The following CDH13 variants were observed in gnomAD, a reference collection of about 807,000 sequenced individuals.
CDH13 encodes cadherin 13.
CDH13 carries 24 observed loss-of-function variants against 63.8 expected under a neutral mutation model. That is an observed-to-expected ratio of 0.38 (90% CI 0.27 to 0.53). The LOEUF (loss-of-function observed/expected upper bound fraction) is 0.53, where lower values mean the gene tolerates loss of function less well. Ranked by LOEUF, CDH13 falls within the 20% of genes least tolerant of loss-of-function variation. CDH13 has a pLI of 0.85. For synonymous variants in CDH13, 503 were observed against 355.3 expected, an observed-to-expected ratio of 1.42 and a Z score of -4.67; for missense variants, 1,049 against 903.1, an observed-to-expected ratio of 1.16 and a Z score of -2.07.
At chr16:83,285,865 AACTCT>A (rs2089298389) in intron 5 of CDH13, among the ~76,000 whole-genome samples, 1 of 152,182 alleles carries the variant, frequency 6.6e-6, no homozygotes, top group Non-Finnish European at 1.5e-5. Context: ...AAAAAAAATA[AACTCT>A]ACTCATTGTG....
At chr16:83,674,715 A>G (rs1466671683) in intron 9 of CDH13, among the ~76,000 whole-genome samples, 1 of 152,212 alleles carries the variant, frequency 6.6e-6, no homozygotes, top group African/African-American at 2.4e-5. Flanking sequence ...ACTTAAAAGG[A>G]CCAAATCCCA....
chr16:82,837,194 C>A (rs1468238789), intron 1 of CDH13, among the ~76,000 whole-genome samples: 1 of 152,198 alleles, frequency 6.6e-6, no homozygotes, highest in Non-Finnish European at 1.5e-5. Flanking sequence ...GATTTTCCCT[C>A]AGGCTCAGCG....
chr16:83,214,579 CAAAAAAA>C (rs751124100), intron 4 of CDH13, among the ~76,000 whole-genome samples: 3 of 39,780 alleles, frequency 7.5e-5, no homozygotes, highest in Non-Finnish European at 9.2e-5. Context: ...GACTCTGTCT[CAAAAAAA>C]AAAAAAAAAA....
At position 83,703,764 on chromosome 16, in the gene CDH13, G is replaced by C. The variant is rs185023478; in HGVS notation, c.1538+25303G>C. On this transcript the variant is annotated intron_variant, in intron 10 of 13. Transcript: ENST00000567109. ...CTAAGAAAACCATCCTTTCTTGGCA[G>C]ACTCCCTCAGAGGTACTATGTTTCT... Among the ~76,000 whole-genome samples the C allele has an allele frequency of 1.5e-3, 232 of 152,268 alleles. 1 individual carries two copies. Among genetic ancestry groups the C allele is most frequent in the African/African-American group, 5.2e-3 (214 of 41,550 alleles).
chr16:82,805,414 G>T (rs1208532864), intron 1 of CDH13, among the ~76,000 whole-genome samples: 3 of 152,148 alleles, frequency 2.0e-5, no homozygotes, highest in Admixed American at 6.5e-5. Flanking sequence ...TATGCAGAGT[G>T]GCATGGCTGG....
chr16:83,607,229 C>T (rs1299579731), intron 8 of CDH13, among the ~76,000 whole-genome samples: 1 of 151,988 alleles, frequency 6.6e-6, no homozygotes, highest in Non-Finnish European at 1.5e-5. Context: ...ACCAACCTGA[C>T]CAATATGGTG....
intron 7 of CDH13, among the ~76,000 whole-genome samples, chr16:83,574,735 C>A (rs1904952166): frequency 6.6e-6 from 1 of 152,194 alleles, no homozygotes; most frequent in African/African-American, 2.4e-5. Context: ...ATACCAGGCC[C>A]TGTTAAGATT....
intron 11 of CDH13, among the ~76,000 whole-genome samples, chr16:83,767,320 G>A (rs1283059372): frequency 2.0e-5 from 3 of 152,150 alleles, no homozygotes; most frequent in African/African-American, 7.2e-5. Flanking sequence ...GAATCATGGG[G>A]GCAGTTTTCC....
chr16:82,938,744 G>A (rs34694300), intron 2 of CDH13, among the ~76,000 whole-genome samples: 2 of 152,080 alleles, frequency 1.3e-5, no homozygotes, highest in Non-Finnish European at 1.5e-5. Context: ...TCAACGTAGG[G>A]TGCAGTATTA....
intron 3 of CDH13, among the ~76,000 whole-genome samples, chr16:83,078,347 A>G (rs767907914): frequency 2.0e-5 from 3 of 152,074 alleles, no homozygotes; most frequent in African/African-American, 7.2e-5. Context: ...GGGGACGGGG[A>G]TGATGGTTTG....
intron 10 of CDH13, among the ~76,000 whole-genome samples, chr16:83,706,339 T>A (rs1907048003): frequency 6.6e-6 from 1 of 152,160 alleles, no homozygotes; most frequent in Admixed American, 6.5e-5. Flanking sequence ...ATTGCACTCA[T>A]TCATGAAGGC....
chr16:82,671,270 T>C (rs981209211), intron 1 of CDH13, among the ~76,000 whole-genome samples: 2 of 152,356 alleles, frequency 1.3e-5, no homozygotes, highest in East Asian at 3.9e-4. Context: ...AAGGGTTTTT[T>C]ATTTTTTGGT....
At chr16:83,548,895 G>A (rs2075437897) in intron 7 of CDH13, among the ~76,000 whole-genome samples, 1 of 152,090 alleles carries the variant, frequency 6.6e-6, no homozygotes, top group South Asian at 2.1e-4. Flanking sequence ...ATAGACAAGG[G>A]TAAAAGAAAG....
intron 10 of CDH13, among the ~76,000 whole-genome samples, chr16:83,743,133 G>A (rs929154088): frequency 7.2e-5 from 11 of 152,202 alleles, no homozygotes; most frequent in African/African-American, 2.7e-4. Context: ...TTTGAACCCA[G>A]GAGGCAGAGG....
At chr16:82,809,710 G>T (rs760025734) in intron 1 of CDH13, among the ~76,000 whole-genome samples, 9 of 152,158 alleles carry the variant, frequency 5.9e-5, no homozygotes, top group South Asian at 2.1e-4. Flanking sequence ...TACCATCTTT[G>T]TTCCCAAGAG....
chr16:82,949,544 G>T (rs1287306438), intron 2 of CDH13, among the ~76,000 whole-genome samples: 3 of 152,082 alleles, frequency 2.0e-5, no homozygotes, highest in Non-Finnish European at 4.4e-5. Context: ...TTCTTAATAG[G>T]GTCAATATTT....
At chr16:82,701,425 C>G (rs1299568199) in intron 1 of CDH13, among the ~76,000 whole-genome samples, 1 of 152,130 alleles carries the variant, frequency 6.6e-6, no homozygotes, top group Non-Finnish European at 1.5e-5. Context: ...CATGCATTGT[C>G]ATTCTGTCTT....
intron 4 of CDH13, among the ~76,000 whole-genome samples, chr16:83,214,229 C>A (rs571056004): frequency 6.6e-6 from 1 of 152,126 alleles, no homozygotes; most frequent in South Asian, 2.1e-4. Flanking sequence ...CCTTCCCACG[C>A]AGGGAGCTGT....
At chr16:83,791,944 G>T (rs533564787) in intron 13 of CDH13, among the ~76,000 whole-genome samples, 1 of 152,214 alleles carries the variant, frequency 6.6e-6, no homozygotes, top group South Asian at 2.1e-4. Flanking sequence ...ATGCATTTTG[G>T]TAAGTGTACA....
Sources: gnomAD v4.1 joint callset for allele counts (sites outside exome capture counted in the v4.1 genomes callset) on GRCh38, gnomAD v4.1.1 for gene constraint, MANE v1.5 for transcripts, NCBI Gene and HGNC (gene_info 2026-07-23, HGNC 2026-07-21) for gene names.